The following ASIC2 variants were observed in gnomAD, a reference collection of about 807,000 sequenced individuals.
ASIC2 encodes acid-sensing ion channel 2.
ASIC2 carries 25 observed loss-of-function variants against 57.3 expected under a neutral mutation model. That is an observed-to-expected ratio of 0.44 (90% CI 0.32 to 0.61). The LOEUF is 0.61. ASIC2 is among the 20% of genes least tolerant of loss of function. ASIC2 has a pLI of 0.06. For synonymous variants in ASIC2, 319 were observed against 307.5 expected, an observed-to-expected ratio of 1.04 and a Z score of -0.39; for missense variants, 641 against 738.1, an observed-to-expected ratio of 0.87 and a Z score of 1.52.
intron 1 of ASIC2, among the ~76,000 whole-genome samples, chr17:33,800,104 C>G (rs964609723): frequency 2.6e-5 from 4 of 152,124 alleles, no homozygotes; most frequent in Non-Finnish European, 4.4e-5. Flanking sequence ...ACCTGCTTGA[C>G]CTGGACATAC....
chr17:33,510,003 C>G (rs961022877), intron 1 of ASIC2, among the ~76,000 whole-genome samples: 1 of 152,196 alleles, frequency 6.6e-6, no homozygotes, highest in African/African-American at 2.4e-5. Flanking sequence ...AAATTCTGTT[C>G]CCTTCTCTTT....
intron 1 of ASIC2, among the ~76,000 whole-genome samples, chr17:33,557,272 A>C (rs1367158580): frequency 6.6e-6 from 1 of 151,654 alleles, no homozygotes; most frequent in Non-Finnish European, 1.5e-5. Context: ...GGTCTATATT[A>C]CTCTAAAGTC....
At chr17:33,125,941 G>T (rs2092321534) in intron 1 of ASIC2, among the ~76,000 whole-genome samples, 1 of 152,206 alleles carries the variant, frequency 6.6e-6, no homozygotes, top group South Asian at 2.1e-4. Context: ...GAAATTTAAG[G>T]AAGCAATTAT....
intron 1 of ASIC2, among the ~76,000 whole-genome samples, chr17:33,472,617 C>A (rs1051233179): frequency 6.6e-6 from 1 of 152,132 alleles, no homozygotes; most frequent in African/African-American, 2.4e-5. Context: ...GAGATGATAA[C>A]CATGGGTGAT....
At chr17:33,525,654 C>A (rs1289851715) in intron 1 of ASIC2, among the ~76,000 whole-genome samples, 1 of 152,180 alleles carries the variant, frequency 6.6e-6, no homozygotes, top group Non-Finnish European at 1.5e-5. Context: ...CTCTGCATTA[C>A]CTAGACGGAC....
chr17:33,748,374 T>C (rs1231952760), intron 1 of ASIC2, among the ~76,000 whole-genome samples: 1 of 152,226 alleles, frequency 6.6e-6, no homozygotes. Flanking sequence ...TTGGCCTGCA[T>C]CCAGAGCAGT....
intron 1 of ASIC2, among the ~76,000 whole-genome samples, chr17:33,730,313 A>G (rs1423716548): frequency 1.3e-5 from 2 of 152,248 alleles, no homozygotes; most frequent in African/African-American, 4.8e-5. Context: ...GCATTGCTCC[A>G]GAGACTACAG....
At chr17:34,084,695 G>C (rs1225596166) in intron 1 of ASIC2, among the ~76,000 whole-genome samples, 2 of 152,130 alleles carry the variant, frequency 1.3e-5, no homozygotes, top group Non-Finnish European at 2.9e-5. Context: ...TCTTCCATTT[G>C]TTTGTATCCT....
chr17:33,951,526 T>A (rs1018884243), intron 1 of ASIC2, among the ~76,000 whole-genome samples: 4 of 152,172 alleles, frequency 2.6e-5, no homozygotes, highest in Admixed American at 2.6e-4. Context: ...CAGCAGACAC[T>A]GTGGGTGCCT....
intron 1 of ASIC2, among the ~76,000 whole-genome samples, chr17:33,618,509 CAT>C (rs1905677803): frequency 1.3e-5 from 2 of 152,242 alleles, no homozygotes; most frequent in South Asian, 2.1e-4. Context: ...TCAATAATTA[CAT>C]GTTTATAATT....
intron 1 of ASIC2, chr17:34,006,830 T>G (rs1286570126): frequency 1.3e-5 from 2 of 152,178 alleles, no homozygotes; most frequent in African/African-American, 2.4e-5. Context: ...GTTATTGTTG[T>G]TGGTGGGTTT....
At chr17:33,733,087 A>AT (rs1235585669) in intron 1 of ASIC2, among the ~76,000 whole-genome samples, 2 of 151,960 alleles carry the variant, frequency 1.3e-5, no homozygotes, top group African/African-American at 4.8e-5. Context: ...GAGGTTATTT[A>AT]TTTTTTTAAA....
intron 1 of ASIC2, among the ~76,000 whole-genome samples, chr17:33,608,663 A>T (rs901809536): frequency 6.6e-5 from 10 of 152,154 alleles, no homozygotes; most frequent in Admixed American, 5.9e-4. Flanking sequence ...TTGAGAAGCA[A>T]CACAGGTCTC....
At chr17:33,633,652 A>G (rs1428416378) in intron 1 of ASIC2, among the ~76,000 whole-genome samples, 2 of 152,126 alleles carry the variant, frequency 1.3e-5, no homozygotes, top group Non-Finnish European at 2.9e-5. Flanking sequence ...CCTTCTCCCT[A>G]TGCACAGGGA....
chr17:33,634,548 C>T (rs1906286222), intron 1 of ASIC2, among the ~76,000 whole-genome samples: 1 of 140,472 alleles, frequency 7.1e-6, no homozygotes. Context: ...CAGAGTCTCA[C>T]TCTGTCGCCC....
Position 33,457,119 on chromosome 17 carries a change from C to T in ASIC2, c.556-345052G>A, listed in dbSNP as rs116563404. Among the ~76,000 whole-genome samples the T allele has an allele frequency of 7.1e-3, 1,082 of 152,216 alleles. 9 individuals are homozygous for T. The highest frequency in any genetic ancestry group is 0.025 in the African/African-American group (1,043 of 41,524). On this transcript the variant is annotated intron_variant, in intron 1 of 9. Transcript: ENST00000359872. ...ATAAATTGGCTTGATGATTATTACA[C>T]AGGAGTATATAAAGTACTTAGCACA...
intron 1 of ASIC2, among the ~76,000 whole-genome samples, chr17:33,646,293 T>C (rs183206211): frequency 1.2e-3 from 183 of 152,288 alleles, no homozygotes; most frequent in Admixed American, 2.5e-3. Context: ...TTATGGATTG[T>C]GGGCATAAGA....
intron 3 of ASIC2, among the ~76,000 whole-genome samples, chr17:33,054,252 G>T (rs1162704337): frequency 6.6e-6 from 1 of 152,152 alleles, no homozygotes; most frequent in Non-Finnish European, 1.5e-5. Flanking sequence ...GCTTTTTGGG[G>T]AGGTAGGTAG....
chr17:33,511,001 G>A (rs1374967632), intron 1 of ASIC2, among the ~76,000 whole-genome samples: 4 of 152,210 alleles, frequency 2.6e-5, no homozygotes, highest in African/African-American at 9.6e-5. Flanking sequence ...ACAGCACACA[G>A]CAATTATTAC....
Sources: gnomAD v4.1 joint callset for allele counts (sites outside exome capture counted in the v4.1 genomes callset) on GRCh38, gnomAD v4.1.1 for gene constraint, MANE v1.5 for transcripts, NCBI Gene and HGNC (gene_info 2026-07-23, HGNC 2026-07-21) for gene names.